POLD1: variants seen among roughly 807,000 people sequenced by gnomAD.
The protein encoded by POLD1 is DNA polymerase delta catalytic subunit.
Under a neutral mutation model 129.7 loss-of-function variants are expected in POLD1, and 79 were observed. That is an observed-to-expected ratio of 0.61 (90% CI 0.51 to 0.73). The LOEUF is 0.73. POLD1 is among the 30% of genes least tolerant of loss of function. POLD1 has a pLI of 0.00. For synonymous variants in POLD1, 714 were observed against 683.3 expected, an observed-to-expected ratio of 1.04 and a Z score of -0.70; for missense variants, 1,338 against 1,595.8, an observed-to-expected ratio of 0.84 and a Z score of 2.75.
intron 1 of POLD1, among the ~76,000 whole-genome samples, chr19:50,397,228 G>A (rs370901101): frequency 6.9e-4 from 105 of 151,488 alleles, no homozygotes; most frequent in African/African-American, 2.4e-3. Context: ...GTGAAACCCC[G>A]TCTCTACTAA....
At chr19:50,405,386 A>T (rs2038838876) in intron 10 of POLD1, among the ~76,000 whole-genome samples, 1 of 152,142 alleles carries the variant, frequency 6.6e-6, no homozygotes. Flanking sequence ...AATGAGATAT[A>T]TTGCCTTATT....
chr19:50,396,926 T>G (rs1482447430), intron 1 of POLD1, among the ~76,000 whole-genome samples: 13 of 147,558 alleles, frequency 8.8e-5, no homozygotes, highest in Non-Finnish European at 1.6e-4. Context: ...CGAAACCCTG[T>G]CTCTACTAAA....
Position 50,406,283 on chromosome 19 carries a change from T to G in POLD1, c.1344T>G (p.Val448=), listed in dbSNP as rs2038876517. ...SKQTGRRDTK[V]VSMVGRVQMD... ...AGACGGGCCGGCGGGACACCAAGGT[T>G]GTCAGCATGGTGGGCCGCGTGCAGA... The change falls in exon 11 of 27, where the codon GTT becomes GTG. Residue 448 remains valine, a synonymous_variant. Coordinates refer to ENST00000440232, the MANE Select transcript of POLD1 (RefSeq NM_002691.4). This position sits in a 1 kb window ranked among gnomAD's most constrained non-coding sequence, Gnocchi z 5.5. 6.2e-7 allele frequency: 1 copy of G among 1,614,008 alleles called. No individual in the cohort carries two copies. Among genetic ancestry groups the G allele is most frequent in the Non-Finnish European group, 8.5e-7 (1 of 1,179,968 alleles).
At chr19:50,397,490 C>T (rs976903452) in intron 1 of POLD1, among the ~76,000 whole-genome samples, 9 of 151,312 alleles carry the variant, frequency 5.9e-5, no homozygotes, top group Non-Finnish European at 1.0e-4. Flanking sequence ...CTGCAACCTC[C>T]GCCTCCCAGG....
At position 50,407,185 on chromosome 19, in the gene POLD1, G is replaced by A. The variant is rs534413213; in HGVS notation, c.1686+11G>A. On this transcript the variant is annotated intron_variant, in intron 13 of 26. Transcript: ENST00000440232. ...CAGCTGTTGCGGCAGGTCAGTAGCC[G>A]AGACTTGTCCTCGCCACCCCCCACC... 6.3e-6 allele frequency: 10 copies of A among 1,593,078 alleles called. No homozygotes were observed. Among genetic ancestry groups the A allele is most frequent in the Admixed American group, 1.7e-5 (1 of 59,142 alleles).
rs761465465 is a variant in POLD1, at chr19:50,417,887, C to T, written c.3264C>T (p.Asp1088=). 6.2e-7 allele frequency: 1 copy of T among 1,611,550 alleles called. No homozygotes were observed. The highest frequency in any genetic ancestry group is 8.5e-7 in the Non-Finnish European group (1 of 1,179,082). The part of the protein sequence containing the change: ...IFYMRKKVRK[D]LEDQEQLLRR... ...ACATGCGCAAGAAGGTGCGGAAGGA[C>T]CTGGAAGACCAGGAGCAGCTCCTGC... Residue 1088 remains aspartate, a synonymous_variant, in exon 27 of 27, where the codon GAC becomes GAT. Coordinates refer to ENST00000440232, the MANE Select transcript of POLD1 (RefSeq NM_002691.4).
rs764156081 is a variant in POLD1 at position 50,413,792 on chromosome 19, G to C, written c.2301G>C (p.Ser767=). The C allele has an allele frequency of 6.2e-7, 1 of 1,612,320 alleles. No individual in the cohort carries two copies. Among genetic ancestry groups the C allele is most frequent in the Middle Eastern group, 1.7e-4 (1 of 6,050 alleles). Residue 767 remains serine, a synonymous_variant, in exon 19 of 27, where the codon TCG becomes TCC. Coordinates refer to ENST00000440232, the MANE Select transcript of POLD1 (RefSeq NM_002691.4). ...DSVMCRFGVS[S]VAEAMALGRE... is the part of the protein sequence containing the mutation. ...TCATGTGCCGATTCGGCGTGTCCTC[G>C]GTGGCTGAGGCGATGGCCCTGGGGC...
chr19:50,417,029 A>T lies in POLD1; in HGVS notation c.3068-16A>T, dbSNP rs1393702168. 6.5e-7 allele frequency: 1 copy of T among 1,547,340 alleles called. No individual in the cohort carries two copies. Among genetic ancestry groups the T allele is most frequent in the Non-Finnish European group, 8.7e-7 (1 of 1,145,686 alleles). On this transcript the variant is annotated splice_polypyrimidine_tract_variant and intron_variant, in intron 24 of 26. Transcript: ENST00000440232. Reference sequence around the variant, plus strand: ...TGGCTGGGCCCCAGCACTTGGGCTGACCCGCCTCCCCACAGGAGCCGTGTG... The same window carrying T: ...TGGCTGGGCCCCAGCACTTGGGCTGTCCCGCCTCCCCACAGGAGCCGTGTG...
Position 50,398,963 on chromosome 19 carries a change from C to A in POLD1, c.112C>A (p.Leu38Met). 1 of 1,581,700 alleles carries A rather than the reference C, an allele frequency of 6.3e-7. No individual in the cohort carries two copies. Among genetic ancestry groups the A allele is most frequent in the Admixed American group, 1.8e-5 (1 of 54,242 alleles). The stretch of plus-strand genomic sequence containing the variant: ...TCGGCCATCCCAATTCGAGGAGGAC[C>A]TGGCACTGATGGAGGAGATGGAGGC... ...APRPSQFEED[L>M]ALMEEMEAEH... is the part of the protein sequence containing the mutation. Residue 38 changes from leucine (L) to methionine (M), a missense_variant, in exon 2 of 27, where the codon CTG (leucine) becomes ATG (methionine). By Grantham distance (15) the Leu-to-Met change is conservative (BLOSUM62 2). Around this residue, in one of 3 missense-constraint regions of POLD1, gnomAD observed 332 missense variants for 315.7 expected, o/e 1.05. Transcript: ENST00000440232.
Position 50,407,315 on chromosome 19 carries a change from C to T in POLD1, c.1687-12C>T, listed in dbSNP as rs2038931915. 1 of 1,608,904 alleles carries T rather than the reference C, an allele frequency of 6.2e-7. No individual in the cohort carries two copies. The highest frequency in any genetic ancestry group is 1.3e-5 in the African/African-American group (1 of 74,748). On this transcript the variant is annotated splice_polypyrimidine_tract_variant and intron_variant, in intron 13 of 26. Transcript: ENST00000440232. ...CTATACCCACTCCATTTCCCACCTTCTCCCCTCCCAGGCCATGCACGAGGG... is the reference window on the plus strand; with the variant it reads ...CTATACCCACTCCATTTCCCACCTTTTCCCCTCCCAGGCCATGCACGAGGG...
chr19:50,403,453 G>A, intron 9 of POLD1, 40 bp from the exon 10 acceptor site: 1 of 1,459,780 alleles, frequency 6.9e-7, no homozygotes, highest in Non-Finnish European at 9.6e-7. Flanking sequence ...ATCCGAGGCA[G>A]GGCAACCACC....
chr19:50,388,309 G>T (rs945445066), intron 1 of POLD1, among the ~76,000 whole-genome samples: 1 of 152,198 alleles, frequency 6.6e-6, no homozygotes, highest in Non-Finnish European at 1.5e-5. Flanking sequence ...TTAAATGGGT[G>T]AATTGTATAG....
In POLD1 at chr19:50,409,540, G is replaced by T. The variant is rs761942353; in HGVS notation, c.2028G>T (p.Lys676Asn). ...ARKRAKAELA[K>N]ETDPLRRQVL... ...GCAGGGCCAAGGCCGAGCTGGCCAA[G>T]GAGACAGACCCCCTCCGGCGCCAGG... The change falls in exon 17 of 27, where the codon AAG becomes AAT. Residue 676 changes from lysine to asparagine, a missense_variant. This residue lies in a region of POLD1 where 720 missense variants were observed against 1,002.6 expected (regional missense o/e 0.72). Transcript: ENST00000440232. This position sits in a 1 kb window ranked among gnomAD's most constrained non-coding sequence, Gnocchi z 5.8. The T allele has an allele frequency of 1.2e-6, 2 of 1,613,568 alleles. No homozygotes were observed. Among genetic ancestry groups the T allele is most frequent in the South Asian group, 2.2e-5 (2 of 91,088 alleles).
intron 1 of POLD1, among the ~76,000 whole-genome samples, chr19:50,390,523 T>A (rs2038119992): frequency 6.6e-6 from 1 of 152,152 alleles, no homozygotes; most frequent in African/African-American, 2.4e-5. Flanking sequence ...TCCCTCCTTA[T>A]CTCAGGATAT....
chr19:50,406,162 A>G lies in POLD1; in HGVS notation c.1243-20A>G, dbSNP rs1601214948. 6.2e-7 allele frequency: 1 copy of G among 1,608,136 alleles called. No homozygotes were observed. Among genetic ancestry groups the G allele is most frequent in the Non-Finnish European group, 8.5e-7 (1 of 1,175,856 alleles). On this transcript the variant is annotated intron_variant, in intron 10 of 26. Coordinates refer to ENST00000440232, the MANE Select transcript of POLD1 (RefSeq NM_002691.4). The surrounding 1 kb of genome is among the most constrained non-coding windows in gnomAD (Gnocchi z 5.5). ...GACGGGGACCCGCAGCCTGCTGCACACCCTGCCTCTCCTCCTCAGGTACAA... is the reference window on the plus strand; with the variant it reads ...GACGGGGACCCGCAGCCTGCTGCACGCCCTGCCTCTCCTCCTCAGGTACAA...
In POLD1 at chr19:50,400,497, A is replaced by G. The variant is rs559480916; in HGVS notation, c.316+1013A>G. On this transcript the variant is annotated intron_variant, in intron 3 of 26. Coordinates refer to ENST00000440232, the MANE Select transcript of POLD1 (RefSeq NM_002691.4). ...TGGCCTCCCAAAGTGCTGGGATTAC[A>G]GGAGTGAGTAACTGTGCCCCGCCTA... Among the ~76,000 whole-genome samples, 12 of 144,536 alleles carry G rather than the reference A, an allele frequency of 8.3e-5. No individual in the cohort carries two copies. In the South Asian group the frequency reaches 2.7e-3, roughly 32 times the overall value. 94.8% of individuals were successfully genotyped at this position (144,536 alleles called of 152,430 possible).
intron 15 of POLD1, 90 bp downstream of exon 15, chr19:50,408,991 C>T: frequency 7.1e-7 from 1 of 1,414,068 alleles, no homozygotes; most frequent in Non-Finnish European, 9.9e-7. Flanking sequence ...AGGCACAGGC[C>T]CAGAGATAGT....
chr19:50,391,032 A>T (rs2038140132), intron 1 of POLD1, among the ~76,000 whole-genome samples: 1 of 151,976 alleles, frequency 6.6e-6, no homozygotes. Context: ...CCCCTTTTCT[A>T]TTCGACAAAA....
chr19:50,407,831 C>G (rs2038954460), intron 14 of POLD1, among the ~76,000 whole-genome samples: 1 of 150,354 alleles, frequency 6.7e-6, no homozygotes, highest in African/African-American at 2.4e-5. Context: ...CTCGGCCTCC[C>G]AAAGTGCTGG....
Sources: gnomAD v4.1 joint callset for allele counts (sites outside exome capture counted in the v4.1 genomes callset) on GRCh38, gnomAD v4.1.1 for gene constraint, gnomAD v4.1.1 regional missense constraint, Gnocchi (gnomAD v3.1) non-coding constraint, MANE v1.5 for transcripts, NCBI Gene and HGNC (gene_info 2026-07-23, HGNC 2026-07-21) for gene names.